ANO4: variants seen among roughly 807,000 people sequenced by gnomAD.
The protein encoded by ANO4 is anoctamin 4, also known as anoctamin-4.
In ANO4, 69 loss-of-function variants were observed where a neutral mutation model predicts 141.9. The ratio of observed to expected loss-of-function variants is 0.49; its 90% confidence interval spans 0.40 to 0.59. The LOEUF is 0.59. Among genes scored for constraint, ANO4 ranks in the 20% least tolerant of loss-of-function variants. ANO4 has a pLI of 0.00. For missense variants in ANO4, 894 were observed against 1,162.2 expected, an observed-to-expected ratio of 0.77 and a Z score of 3.36; for synonymous variants, 350 against 394.3, an observed-to-expected ratio of 0.89 and a Z score of 1.33.
At chr12:100,750,491 G>A (rs2032325768) in intron 3 of ANO4, among the ~76,000 whole-genome samples, 1 of 152,030 alleles carries the variant, frequency 6.6e-6, no homozygotes, top group Non-Finnish European at 1.5e-5. Flanking sequence ...CATGCTGTCA[G>A]TCATGGAGCT....
intron 15 of ANO4, 122 bp from the exon 16 acceptor site, chr12:101,083,556 A>G (rs2049366728): frequency 2.4e-6 from 3 of 1,236,434 alleles, no homozygotes; most frequent in East Asian, 5.4e-5. Flanking sequence ...AACCCACTTC[A>G]TTGGTTGACT....
At chr12:100,851,767 G>A (rs772469236) in intron 1 of ANO4, among the ~76,000 whole-genome samples, 5 of 152,178 alleles carry the variant, frequency 3.3e-5, no homozygotes, top group East Asian at 1.9e-4. Flanking sequence ...GGAAGGCCTC[G>A]CTTACCAGAT....
intron 1 of ANO4, among the ~76,000 whole-genome samples, chr12:100,812,862 G>A (rs1372184833): frequency 6.6e-6 from 1 of 152,192 alleles, no homozygotes; most frequent in Non-Finnish European, 1.5e-5. Flanking sequence ...ATTGCCTCAA[G>A]GCAAAATTTT....
chr12:101,083,364 C>T (rs1053565379), intron 15 of ANO4, among the ~76,000 whole-genome samples: 1 of 152,176 alleles, frequency 6.6e-6, no homozygotes, highest in Admixed American at 6.5e-5. Flanking sequence ...GACAGGACAG[C>T]TTGTCCCTTT....
In ANO4 at chr12:101,128,612, A is replaced by G. The variant is rs2051423191; in HGVS notation, c.*756A>G. On this transcript the variant is annotated 3_prime_UTR_variant, in exon 28 of 28. Coordinates refer to ENST00000392977, the MANE Select transcript of ANO4 (RefSeq NM_001286615.2). ...AATGTGATGCAATAAAATTTAAAAT[A>G]AATTTCTGCACATGGAATATTTTCA... 6.5e-6 allele frequency: 1 copy of G among 152,688 alleles called. No individual in the cohort carries two copies. 9.5% of individuals were successfully genotyped at this position (152,688 alleles called of 1,614,324 possible).
intron 5 of ANO4, among the ~76,000 whole-genome samples, chr12:100,954,535 G>A (rs1431317952): frequency 6.6e-6 from 1 of 152,178 alleles, no homozygotes; most frequent in East Asian, 1.9e-4. Flanking sequence ...CCAGAACCAA[G>A]TTCTGGTCGC....
At chr12:100,988,899 CA>C (rs1483774771) in intron 8 of ANO4, among the ~76,000 whole-genome samples, 8 of 116,810 alleles carry the variant, frequency 6.8e-5, no homozygotes, top group African/African-American at 2.5e-4. Flanking sequence ...GAAAGAAAAA[CA>C]AAAAACGAAG....
At chr12:101,098,506 A>T (rs1185585324) in intron 21 of ANO4, among the ~76,000 whole-genome samples, 1 of 152,202 alleles carries the variant, frequency 6.6e-6, no homozygotes, top group Non-Finnish European at 1.5e-5. Context: ...TGTAGAGACA[A>T]AGAAAACTCA....
At chr12:100,905,726 A>G (rs1287215472) in intron 2 of ANO4, among the ~76,000 whole-genome samples, 1 of 152,182 alleles carries the variant, frequency 6.6e-6, no homozygotes, top group Non-Finnish European at 1.5e-5. Flanking sequence ...AGTAAGGTCA[A>G]GAGTTTCTTT....
At chr12:101,007,893 T>A (rs1314272595) in intron 8 of ANO4, among the ~76,000 whole-genome samples, 1 of 151,390 alleles carries the variant, frequency 6.6e-6, no homozygotes, top group African/African-American at 2.4e-5. Context: ...CTTGAGTTTC[T>A]AAAAAAAAAT....
chr12:101,010,147 A>G (rs1265567401), intron 8 of ANO4, among the ~76,000 whole-genome samples: 1 of 152,148 alleles, frequency 6.6e-6, no homozygotes, highest in Non-Finnish European at 1.5e-5. Flanking sequence ...GTTTTGTGCT[A>G]TCTTTGTTCT....
chr12:100,819,796 G>A (rs1052530458), intron 1 of ANO4, among the ~76,000 whole-genome samples: 1 of 151,870 alleles, frequency 6.6e-6, no homozygotes, highest in African/African-American at 2.4e-5. Context: ...ACTTGAGATG[G>A]CTGTAGAAGG....
chr12:100,983,265 A>G (rs2044564054), intron 7 of ANO4, among the ~76,000 whole-genome samples: 1 of 152,214 alleles, frequency 6.6e-6, no homozygotes, highest in African/African-American at 2.4e-5. Context: ...AGCTGTTGCC[A>G]GGTCTTGAGG....
chr12:100,794,422 C>T (rs1318214316), upstream of ANO4, among the ~76,000 whole-genome samples: 1 of 152,154 alleles, frequency 6.6e-6, no homozygotes, highest in East Asian at 1.9e-4. Flanking sequence ...TAAATACAAG[C>T]AAACATTAAC....
intron 10 of ANO4, chr12:101,039,081 G>C (rs1210633995): frequency 6.6e-6 from 1 of 152,160 alleles, no homozygotes; most frequent in East Asian, 1.9e-4. Context: ...TCAATGAGGA[G>C]GTTGAATTAA....
intron 1 of ANO4, among the ~76,000 whole-genome samples, chr12:100,824,129 A>G (rs1007668269): frequency 1.3e-5 from 2 of 151,970 alleles, no homozygotes; most frequent in African/African-American, 4.8e-5. Context: ...GTTTTGTGCA[A>G]CTTGGAGTTT....
chr12:101,025,221 A>T (rs1182226715), intron 9 of ANO4, among the ~76,000 whole-genome samples: 1 of 152,254 alleles, frequency 6.6e-6, no homozygotes, highest in Non-Finnish European at 1.5e-5. Flanking sequence ...CAAGACACTG[A>T]ATATTGGGCA....
At chr12:101,021,491 A>C (rs1426198022) in intron 9 of ANO4, among the ~76,000 whole-genome samples, 1 of 152,208 alleles carries the variant, frequency 6.6e-6, no homozygotes, top group Admixed American at 6.5e-5. Context: ...TACAATAGTT[A>C]CATTATTGCA....
At chr12:101,093,304 A>T (rs1160007885) in intron 17 of ANO4, among the ~76,000 whole-genome samples, 4 of 152,186 alleles carry the variant, frequency 2.6e-5, no homozygotes, top group Non-Finnish European at 4.4e-5. Flanking sequence ...GAAGGTCAGT[A>T]AGTTCAATAC....
Sources: allele counts gnomAD v4.1 joint callset (sites outside exome capture counted in the v4.1 genomes callset), GRCh38; gene constraint gnomAD v4.1.1; transcripts MANE v1.5; gene names NCBI Gene and HGNC (gene_info 2026-07-23, HGNC 2026-07-21).